Variants in CP observed in about 807,000 individuals in gnomAD.
The protein encoded by CP is caeruloplasmin.
A neutral mutation model predicts 122.4 loss-of-function variants in CP; 64 were observed. The ratio of observed to expected loss-of-function variants is 0.52; its 90% CI spans 0.43 to 0.64. The LOEUF is 0.64. Ranked by LOEUF, CP falls within the 30% of genes least tolerant of loss-of-function variation. CP has a pLI of 0.00. For missense variants in CP, 1,167 were observed against 1,284.4 expected, an observed-to-expected ratio of 0.91 and a Z score of 1.40; for synonymous variants, 440 against 436.4, an observed-to-expected ratio of 1.01 and a Z score of -0.10.
At chr3:149,205,628 T>C (rs371981206) in intron 6 of CP, among the ~76,000 whole-genome samples, 1 of 152,094 alleles carries the variant, frequency 6.6e-6, no homozygotes, top group Non-Finnish European at 1.5e-5. Flanking sequence ...TGCTAAGTGA[T>C]ATAAAAGACA....
downstream of CP, chr3:149,171,996 C>G: frequency 8.2e-7 from 1 of 1,224,354 alleles, no homozygotes; most frequent in Admixed American, 1.8e-5. Flanking sequence ...TGAGCCACCA[C>G]GCCTGGCCTG....
At chr3:149,212,170 G>C (rs1309030906) in intron 2 of CP, among the ~76,000 whole-genome samples, 1 of 151,912 alleles carries the variant, frequency 6.6e-6, no homozygotes, top group Non-Finnish European at 1.5e-5. Flanking sequence ...AGTTTGCCAG[G>C]CATGGTAGTG....
chr3:149,164,576 G>A (rs950093313), intron 5 of CP, among the ~76,000 whole-genome samples: 8 of 152,170 alleles, frequency 5.3e-5, no homozygotes, highest in Admixed American at 2.0e-4. Context: ...CCCAAAGAAC[G>A]AATATAATTC....
chr3:149,195,897 C>CA (rs200276718), intron 9 of CP, among the ~76,000 whole-genome samples: 59 of 148,020 alleles, frequency 4.0e-4, no homozygotes, highest in African/African-American at 1.1e-3. Context: ...ACTATAAAGC[C>CA]AAAAAAAAAG....
intron 1 of CP, among the ~76,000 whole-genome samples, chr3:149,220,193 T>G (rs1375351258): frequency 6.6e-6 from 1 of 152,190 alleles, no homozygotes; most frequent in Non-Finnish European, 1.5e-5. Flanking sequence ...TTTTTAGAAT[T>G]AAAGATTTTT....
At chr3:149,172,318 TCACACACACACACACACA>T (rs113015797), downstream of CP, 8 of 571,846 alleles carry the variant, frequency 1.4e-5, no homozygotes, top group African/African-American at 1.0e-4. Context: ...ATTTTATATA[TCACACACACACACACACA>T]CACACACACA....
intron 15 of CP, 144 bp from the exon 16 acceptor site, chr3:149,178,775 T>C (rs1725587557): frequency 1.5e-6 from 1 of 663,058 alleles, no homozygotes; most frequent in Admixed American, 2.5e-5. Flanking sequence ...GCCAATTTAG[T>C]AACTTTTCAC....
At chr3:149,166,958 AG>A (rs1724486181) in intron 4 of CP, 3 of 1,164,910 alleles carry the variant, frequency 2.6e-6, no homozygotes, top group Non-Finnish European at 3.9e-6. Context: ...TTTAGTCTTA[AG>A]AAATTGAATT....
At chr3:149,203,845 A>G (rs1473408501) in intron 6 of CP, among the ~76,000 whole-genome samples, 2 of 152,148 alleles carry the variant, frequency 1.3e-5, no homozygotes, top group African/African-American at 2.4e-5. Context: ...GAACCCATCA[A>G]TATAATACAG....
In CP at chr3:149,221,587, C is replaced by T. The variant is rs369194670; in HGVS notation, c.146+60G>A. On this transcript the variant is annotated intron_variant, in intron 1 of 18. Coordinates refer to ENST00000264613, the MANE Select transcript of CP (RefSeq NM_000096.4). ...TTTTAAAAATATTTCATCTTATTGG[C>T]TCTATCCTTTAAAAATAACTTAAAA... is the stretch of plus-strand genomic sequence containing the variant. 4.4e-5 allele frequency: 67 copies of T among 1,512,646 alleles called. No homozygotes were observed. In the African/African-American group the frequency reaches 5.0e-4, roughly 11 times the overall value. 93.7% of individuals were successfully genotyped at this position (1,512,646 alleles called of 1,614,324 possible). A position where few individuals can be genotyped will look rare whatever the true frequency, so the allele number is the denominator to read the frequency against.
intron 6 of CP, among the ~76,000 whole-genome samples, chr3:149,204,664 C>T (rs1056681256): frequency 6.6e-6 from 1 of 152,148 alleles, no homozygotes; most frequent in African/African-American, 2.4e-5. Flanking sequence ...ATTACTTAAC[C>T]TTTCCAAGGA....
chr3:149,162,971 C>A, intron 5 of CP: 2 of 1,087,702 alleles, frequency 1.8e-6, no homozygotes, highest in Middle Eastern at 2.4e-4. Context: ...AAAATCTAAC[C>A]TAGTTTTCTA....
intron 1 of CP, chr3:149,217,891 C>T (rs917482052): frequency 4.4e-6 from 2 of 450,224 alleles, no homozygotes; most frequent in African/African-American, 2.1e-5. Context: ...TCTTTGTTGT[C>T]TAGTTTTTTG....
In CP at chr3:149,198,473, G is replaced by A; in HGVS notation, c.1607C>T (p.Ala536Val). The change falls in exon 9 of 19, where the codon GCT becomes GTT. Residue 536 changes from alanine to valine, a missense_variant. Ala to Val is a moderately conservative substitution (Grantham distance 64, BLOSUM62 0). Coordinates refer to ENST00000264613, the MANE Select transcript of CP (RefSeq NM_000096.4). ...TTCCACAGCAGAATAATACATCTTA[G>A]CTAGACACACAGGATCTGCATTAGT... ...GPTNADPVCL[A>V]KMYYSAVEPT... 1.2e-6 allele frequency: 2 copies of A among 1,613,694 alleles called. No individual in the cohort carries two copies. The highest frequency in any genetic ancestry group is 1.7e-6 in the Non-Finnish European group (2 of 1,179,624).
At chr3:149,181,298 G>A (rs1725758624) in intron 14 of CP, among the ~76,000 whole-genome samples, 1 of 151,996 alleles carries the variant, frequency 6.6e-6, no homozygotes, top group South Asian at 2.1e-4. Context: ...CCTGTCTTCG[G>A]GGCCTAGAAT....
chr3:149,221,531 C>A, intron 1 of CP, 116 bp downstream of exon 1: 1 of 913,144 alleles, frequency 1.1e-6, no homozygotes, highest in East Asian at 2.7e-5. Flanking sequence ...GGGTTTCAAG[C>A]CCACATTTTG....
Position 149,185,581 on chromosome 3 carries a change from G to C in CP, c.2078-135C>G, listed in dbSNP as rs1726113336. 3 of 763,106 alleles carry C rather than the reference G, an allele frequency of 3.9e-6. No individual in the cohort carries two copies. In the Admixed American group the frequency reaches 7.3e-5, roughly 19 times the overall value. The allele number at this position is 763,106 out of a possible 1,614,324, so 47.3% of individuals were successfully genotyped here. On this transcript the variant is annotated intron_variant, in intron 11 of 18. Transcript: ENST00000264613. ...GCTTTCCACACCTTCTGCTCACCCT[G>C]CTCCATCCATCCTTTTGCTGTTCTT... is the stretch of plus-strand genomic sequence containing the variant.
Position 149,173,651 on chromosome 3 carries a change from C to G in CP, c.*63G>C, listed in dbSNP as rs1725202222. 1 of 1,067,706 alleles carries G rather than the reference C, an allele frequency of 9.4e-7. No individual in the cohort carries two copies. Among genetic ancestry groups the G allele is most frequent in the African/African-American group, 1.6e-5 (1 of 63,248 alleles). The allele number at this position is 1,067,706 out of a possible 1,614,324, so 66.1% of individuals were successfully genotyped here. A position where few individuals can be genotyped will look rare whatever the true frequency, so the allele number is the denominator to read the frequency against. On this transcript the variant is annotated 3_prime_UTR_variant, in exon 19 of 19. Coordinates refer to ENST00000264613, the MANE Select transcript of CP (RefSeq NM_000096.4). The stretch of plus-strand genomic sequence containing the variant: ...AAAGTAACATTCTATTTTACACTTT[C>G]ACATACATTGTTATGAATCATTGGT...
Position 149,186,851 on chromosome 3 carries a change from C to T in CP, c.1865-119G>A, listed in dbSNP as rs1402478326. 6.8e-6 allele frequency: 6 copies of T among 879,686 alleles called. No homozygotes were observed. The East Asian group carries it at 1.6e-4, about 23-fold the overall frequency. 54.5% of individuals were successfully genotyped at this position (879,686 alleles called of 1,614,324 possible). ...TTTTTAAAAGACCTATTCAGGCTTG[C>T]CCACGCTTTATGTGTCAGGAGTATC... On this transcript the variant is annotated intron_variant, in intron 10 of 18. Coordinates refer to ENST00000264613, the MANE Select transcript of CP (RefSeq NM_000096.4).
Sources: allele counts gnomAD v4.1 joint callset (sites outside exome capture counted in the v4.1 genomes callset), GRCh38; gene constraint gnomAD v4.1.1; transcripts MANE v1.5; gene names NCBI Gene and HGNC (gene_info 2026-07-23, HGNC 2026-07-21).